The following PM20D2 variants were observed in gnomAD, a reference collection of about 807,000 sequenced individuals.
The protein encoded by PM20D2 is peptidase M20 domain containing 2, also known as xaa-Arg dipeptidase.
Under a neutral mutation model 42.9 loss-of-function variants are expected in PM20D2, and 33 were observed. The observed-to-expected ratio is 0.77, with a 90% CI of 0.58 to 1.03. The LOEUF (loss-of-function observed/expected upper bound fraction) is 1.03. Ranked by LOEUF, PM20D2 falls within the 50% of genes least tolerant of loss-of-function variation. PM20D2 has a pLI of 0.00. For missense variants in PM20D2, 548 were observed against 557.0 expected (o/e 0.98, Z 0.16); for synonymous variants, 250 against 228.2 (o/e 1.10, Z -0.86).
chr6:89,119,471 CATGAGGCTGGAGAAGAGTTGGAAA>C, the PM20D2 span, among the ~76,000 whole-genome samples: 1 of 152,122 alleles, frequency 6.6e-6, no homozygotes, highest in Non-Finnish European at 1.5e-5. Context: ...AAAACAGGAG[CATGAGGCTGGAGAAGAGTTGGAAA>C]ATGAGGCTGG....
At chr6:89,139,275 G>A in the PM20D2 span, among the ~76,000 whole-genome samples, 1 of 152,030 alleles carries the variant, frequency 6.6e-6, no homozygotes, top group Non-Finnish European at 1.5e-5. Context: ...GGGTCTTGCT[G>A]TGTTTCTCAG....
At chr6:89,150,531 CT>C (rs753768538) in intron 2 of PM20D2, among the ~76,000 whole-genome samples, 558 of 59,370 alleles carry the variant, frequency 9.4e-3, no homozygotes, top group East Asian at 0.015. Flanking sequence ...CTGATCATCT[CT>C]TTTTTTTTTT....
upstream of PM20D2, among the ~76,000 whole-genome samples, chr6:89,141,729 CAATT>C (rs1408512402): frequency 6.6e-6 from 1 of 152,206 alleles, no homozygotes; most frequent in East Asian, 1.9e-4. Context: ...AAATAGTCAT[CAATT>C]ATTCTTGTAG....
chr6:89,161,554 G>A (rs1353368231), intron 5 of PM20D2, among the ~76,000 whole-genome samples: 1 of 152,136 alleles, frequency 6.6e-6, no homozygotes, highest in African/African-American at 2.4e-5. Flanking sequence ...AAAGCCGTGA[G>A]ACAAGGTGAG....
chr6:89,103,170 C>T, the PM20D2 span, among the ~76,000 whole-genome samples: 1 of 152,140 alleles, frequency 6.6e-6, no homozygotes, highest in Non-Finnish European at 1.5e-5. Context: ...GTGGTCCTTC[C>T]ATCCCTGATA....
chr6:89,146,680 T>C (rs1770580511), intron 1 of PM20D2, 71 bp downstream of exon 1: 34 of 1,231,544 alleles, frequency 2.8e-5, no homozygotes, highest in Non-Finnish European at 3.6e-5. Flanking sequence ...AGGGCGGGAC[T>C]CTCGTGCGTC....
chr6:89,115,276 CTTTCT>C, the PM20D2 span, among the ~76,000 whole-genome samples: 2 of 151,346 alleles, frequency 1.3e-5, no homozygotes, highest in Non-Finnish European at 3.0e-5. Context: ...CATTTTATAG[CTTTCT>C]TTTATTTATT....
upstream of PM20D2, among the ~76,000 whole-genome samples, chr6:89,142,955 G>C (rs1176663585): frequency 6.6e-6 from 1 of 152,052 alleles, no homozygotes; most frequent in Non-Finnish European, 1.5e-5. Context: ...ACCGCGCCCG[G>C]CCCCCCACAA....
At chr6:89,101,148 GATC>G in the PM20D2 span, among the ~76,000 whole-genome samples, 1 of 144,476 alleles carries the variant, frequency 6.9e-6, no homozygotes, top group Non-Finnish European at 1.5e-5. Flanking sequence ...TTAACTAAAA[GATC>G]ATTAGAAAAA....
At chr6:89,149,070 G>C (rs1389754800) in intron 1 of PM20D2, among the ~76,000 whole-genome samples, 195 bp from the exon 2 acceptor site, 1 of 152,222 alleles carries the variant, frequency 6.6e-6, no homozygotes, top group African/African-American at 2.4e-5. Flanking sequence ...GCACCAAGTT[G>C]GTATAACAAT....
chr6:89,099,038 C>CTA, the PM20D2 span: 1 of 1,408,030 alleles, frequency 7.1e-7, no homozygotes, highest in African/African-American at 1.4e-5. Context: ...CTTTACATAA[C>CTA]ATTAGTTATA....
At chr6:89,099,415 C>CAT in the PM20D2 span, among the ~76,000 whole-genome samples, 91,599 of 140,244 alleles carry the variant, frequency 0.65, 30,015 homozygotes, top group East Asian at 0.78. Flanking sequence ...TATATATATA[C>CAT]ATATATATAT....
In PM20D2 at chr6:89,153,204, T is replaced by A. The variant is rs571944341; in HGVS notation, c.757+19T>A. ...GTTCATGGTATGAATGTCAAATACC[T>A]TCTATAATAGATGGTGCTTGCTATA... On this transcript the variant is annotated intron_variant, in intron 3 of 6. Transcript: ENST00000275072. The A allele has an allele frequency of 7.1e-6, 11 of 1,547,706 alleles. No homozygotes were observed. The South Asian group carries it at 1.3e-4, about 18-fold the overall frequency.
At position 89,146,340 on chromosome 6, in the gene PM20D2, T is replaced by C; in HGVS notation, c.196T>C (p.Phe66Leu). 6.4e-7 allele frequency: 1 copy of C among 1,566,414 alleles called. No homozygotes were observed. The highest frequency in any genetic ancestry group is 1.2e-5 in the South Asian group (1 of 86,770). Reference protein sequence around the residue: ...HHAHRVLTHFFEREPPAASWA... With the variant: ...HHAHRVLTHFLEREPPAASWA... ...TGCCCACCGCGTGCTGACGCACTTC[T>C]TCGAGCGGGAGCCGCCCGCGGCCTC... The change falls in exon 1 of 7, where the codon TTC (phenylalanine) becomes CTC (leucine). Residue 66 changes from phenylalanine to leucine, a missense_variant. By Grantham distance (22) the Phe-to-Leu change is conservative. This residue lies in a region of PM20D2 where 470 missense variants were observed against 464.4 expected (regional missense o/e 1.01). Transcript: ENST00000275072.
chr6:89,111,268 C>T, the PM20D2 span, among the ~76,000 whole-genome samples: 1 of 152,130 alleles, frequency 6.6e-6, no homozygotes, highest in South Asian at 2.1e-4. Flanking sequence ...GCCAGCACAC[C>T]TTGTTTATTC....
the PM20D2 span, among the ~76,000 whole-genome samples, chr6:89,136,535 G>A: frequency 4.0e-5 from 6 of 150,452 alleles, no homozygotes; most frequent in Admixed American, 2.0e-4. Flanking sequence ...AAAATCAGCC[G>A]GGCGTGGTGG....
At chr6:89,126,843 G>T in the PM20D2 span, among the ~76,000 whole-genome samples, 1 of 151,984 alleles carries the variant, frequency 6.6e-6, no homozygotes, top group South Asian at 2.1e-4. Context: ...CCATGCTTGA[G>T]GGAAAAATGT....
At chr6:89,097,052 A>G in the PM20D2 span, 5 of 152,224 alleles carry the variant, frequency 3.3e-5, no homozygotes, top group Non-Finnish European at 7.3e-5. Flanking sequence ...ACTTGTCCAA[A>G]TATTACCAGC....
At chr6:89,106,518 T>C in the PM20D2 span, among the ~76,000 whole-genome samples, 1 of 152,160 alleles carries the variant, frequency 6.6e-6, no homozygotes, top group Non-Finnish European at 1.5e-5. Flanking sequence ...CCCACTAAAC[T>C]TCCTTATGTA....
Sources: gnomAD v4.1 joint callset for allele counts (sites outside exome capture counted in the v4.1 genomes callset) on GRCh38, gnomAD v4.1.1 for gene constraint, gnomAD v4.1.1 regional missense constraint, MANE v1.5 for transcripts, NCBI Gene and HGNC (gene_info 2026-07-23, HGNC 2026-07-21) for gene names.